Variants in PPOX observed in about 807,000 individuals in gnomAD.
PPOX encodes variegate porphyria.
In PPOX, 23 loss-of-function variants were observed where a neutral mutation model predicts 54.1. The observed-to-expected ratio is 0.43, with a 90% CI of 0.31 to 0.60. The LOEUF (loss-of-function observed/expected upper bound fraction) is 0.60. Among genes scored for constraint, PPOX ranks in the 20% least tolerant of loss-of-function variants. PPOX has a pLI of 0.13. For synonymous variants in PPOX, 224 were observed against 236.1 expected (o/e 0.95, Z 0.47); for missense variants, 512 against 601.1 (o/e 0.85, Z 1.55).
downstream of PPOX, chr1:161,171,421 C>A (rs1661390061): frequency 1.2e-4 from 76 of 656,704 alleles, no homozygotes; most frequent in South Asian, 1.4e-3. Flanking sequence ...GAGGGGCTTC[C>A]TTCACCAAAC....
downstream of PPOX, chr1:161,176,048 G>C: frequency 5.0e-6 from 8 of 1,614,116 alleles, no homozygotes; most frequent in Non-Finnish European, 5.9e-6. Flanking sequence ...CGCTCCAGCA[G>C]CCTCCGCAAC....
downstream of PPOX, chr1:161,173,752 AC>A (rs1415368058): frequency 1.2e-6 from 2 of 1,613,762 alleles, no homozygotes; most frequent in Non-Finnish European, 8.5e-7. Flanking sequence ...ATCCTTGCAT[AC>A]CCCGAGTCTT....
rs766841173 is a variant in PPOX, at chr1:161,169,102, C to A, written c.726C>A (p.Thr242=). The A allele has an allele frequency of 6.2e-7, 1 of 1,614,200 alleles. No individual in the cohort carries two copies. Among genetic ancestry groups the A allele is most frequent in the East Asian group, 2.2e-5 (1 of 44,878 alleles). The part of the protein sequence containing the change: ...GLEMLPQALE[T]HLTSRGVSVL... ...AGATGTTGCCTCAGGCCCTTGAAACCCACCTGACTAGTAGGGGGGTCAGTG... is the reference window on the plus strand; with the variant it reads ...AGATGTTGCCTCAGGCCCTTGAAACACACCTGACTAGTAGGGGGGTCAGTG... Residue 242 remains threonine, a synonymous_variant, in exon 7 of 13, where the codon ACC becomes ACA. Transcript: ENST00000367999.
At chr1:161,167,013 C>G (rs1008266031) in intron 2 of PPOX, 79 bp downstream of exon 2, 1 of 1,611,754 alleles carries the variant, frequency 6.2e-7, no homozygotes, top group African/African-American at 1.3e-5. Flanking sequence ...GGATCCTGGC[C>G]CTCTGAATAT....
chr1:161,173,293 C>A (rs1383648197), downstream of PPOX, among the ~76,000 whole-genome samples: 2 of 152,202 alleles, frequency 1.3e-5, no homozygotes, highest in Non-Finnish European at 2.9e-5. Flanking sequence ...AGTGGCCTGG[C>A]TGGAACCCCA....
Position 161,170,446 on chromosome 1 carries a change from G to C in PPOX, c.1025G>C (p.Gly342Ala). 1 of 1,613,962 alleles carries C rather than the reference G, an allele frequency of 6.2e-7. No homozygotes were observed. Among genetic ancestry groups the C allele is most frequent in the Non-Finnish European group, 8.5e-7 (1 of 1,179,978 alleles). The change falls in exon 10 of 13, where the codon GGA (glycine) becomes GCA (alanine). Residue 342 changes from glycine (G) to alanine (A), a missense_variant. Physicochemically the swap from Gly to Ala is moderately conservative, Grantham distance 60. Transcript: ENST00000367999. ...GHLVPSSEDP[G>A]VLGIVYDSVA... ...TTGGTGCCATCTTCAGAAGATCCAGGAGTCCTGGGAATCGTGTATGACTCA... is the reference window on the plus strand; with the variant it reads ...TTGGTGCCATCTTCAGAAGATCCAGCAGTCCTGGGAATCGTGTATGACTCA...
intron 4 of PPOX, chr1:161,176,523 G>A: frequency 2.4e-6 from 1 of 411,202 alleles, no homozygotes; most frequent in Non-Finnish European, 4.4e-6. Flanking sequence ...AATTGGAAAT[G>A]TCACAGAGGG....
intron 4 of PPOX, chr1:161,176,710 A>T: frequency 1.5e-6 from 1 of 660,108 alleles, no homozygotes; most frequent in Non-Finnish European, 2.6e-6. Flanking sequence ...AGGAGATGGT[A>T]GGTCCCTCGC....
In PPOX at chr1:161,167,359, T is replaced by A. The variant is rs985258287; in HGVS notation, c.223-12T>A. On this transcript the variant is annotated splice_polypyrimidine_tract_variant and intron_variant, in intron 3 of 12. Transcript: ENST00000367999. ...CTTAGTTTCTCCTCTTCTGAGGGCA[T>A]GTGGAGAGCAGGTTTCTGAGCTTGG... The A allele has an allele frequency of 6.2e-7, 1 of 1,613,836 alleles. No homozygotes were observed. The highest frequency in any genetic ancestry group is 1.3e-5 in the African/African-American group (1 of 74,824).
At chr1:161,176,892 T>G (rs1194400904) in exon 5 of PPOX, 2 of 1,536,018 alleles carry the variant, frequency 1.3e-6, no homozygotes, top group Non-Finnish European at 1.7e-6. Context: ...GACAGGACCG[T>G]GGAGTGGCCT....
intron 5 of PPOX, 64 bp from the exon 6 acceptor site, chr1:161,168,368 G>A: frequency 6.2e-7 from 1 of 1,610,806 alleles, no homozygotes; most frequent in South Asian, 1.1e-5. Context: ...TACCAAATAG[G>A]GGCTGTGGAA....
chr1:161,171,325 T>C, downstream of PPOX: 3 of 1,319,768 alleles, frequency 2.3e-6, no homozygotes, highest in Non-Finnish European at 3.2e-6. Flanking sequence ...GACAAAGTCC[T>C]TTATTAGAAA....
At chr1:161,167,276 G>T in intron 3 of PPOX, 42 bp downstream of exon 3, 2 of 1,614,130 alleles carry the variant, frequency 1.2e-6, no homozygotes, top group Non-Finnish European at 1.7e-6. Flanking sequence ...TGTGGAGGGG[G>T]CTTCCATTGG....
downstream of PPOX, chr1:161,171,605 A>T: frequency 1.5e-6 from 1 of 652,288 alleles, no homozygotes; most frequent in Non-Finnish European, 2.6e-6. Flanking sequence ...ATTCACAGTC[A>T]TAAGCCCTAC....
chr1:161,177,452 A>AC (rs751868834), downstream of PPOX: 19 of 174,868 alleles, frequency 1.1e-4, no homozygotes, highest in Middle Eastern at 2.5e-3. Flanking sequence ...CGTCACCGCC[A>AC]CCCCAACAGC....
chr1:161,168,137 G>A lies in PPOX; in HGVS notation c.471+10G>A, dbSNP rs1208696772. On this transcript the variant is annotated intron_variant, in intron 5 of 12. Coordinates refer to ENST00000367999, the MANE Select transcript of PPOX (RefSeq NM_001122764.3). ...CCGCCTTGGACCTGAGGTGACACTT[G>A]CCCAGAGGCCCCAAACCTCTTCCCT... 6.2e-7 allele frequency: 1 copy of A among 1,614,156 alleles called. No homozygotes were observed. The highest frequency in any genetic ancestry group is 1.7e-5 in the Admixed American group (1 of 60,024).
At chr1:161,172,319 A>C (rs1260201889), downstream of PPOX, 2 of 1,613,846 alleles carry the variant, frequency 1.2e-6, no homozygotes, top group Admixed American at 1.7e-5. Context: ...TCTTCATCCC[A>C]GCCAGGCGCA....
chr1:161,174,341 G>C (rs1412853705), downstream of PPOX, among the ~76,000 whole-genome samples: 1 of 151,324 alleles, frequency 6.6e-6, no homozygotes, highest in Non-Finnish European at 1.5e-5. Flanking sequence ...CCGGGAGGTG[G>C]AGCTTGCAGT....
In PPOX at chr1:161,166,677, G is replaced by A; in HGVS notation, c.-9+5G>A. 1 of 1,511,530 alleles carries A rather than the reference G, an allele frequency of 6.6e-7. No individual in the cohort carries two copies. Among genetic ancestry groups the A allele is most frequent in the Non-Finnish European group, 8.8e-7 (1 of 1,134,122 alleles). The allele number at this position is 1,511,530 out of a possible 1,614,324, so 93.6% of individuals were successfully genotyped here. ...TCTCATCCCTACCTATTGTGGGTGA[G>A]TCCTGGCCCCTGGACGGGGACCTCG... On this transcript the variant is annotated splice_donor_5th_base_variant and intron_variant, in intron 1 of 12. Transcript: ENST00000367999.
Sources: gnomAD v4.1 joint callset for allele counts (sites outside exome capture counted in the v4.1 genomes callset) on GRCh38, gnomAD v4.1.1 for gene constraint, MANE v1.5 for transcripts, NCBI Gene and HGNC (gene_info 2026-07-23, HGNC 2026-07-21) for gene names.